SACM1L: variants seen among roughly 807,000 people sequenced by gnomAD.
The protein encoded by SACM1L is SAC1 like phosphatidylinositide phosphatase.
In SACM1L, 32 loss-of-function variants were observed where a neutral mutation model predicts 89.5. The ratio of observed to expected loss-of-function variants is 0.36; its 90% CI spans 0.27 to 0.48. The LOEUF (loss-of-function observed/expected upper bound fraction) is 0.48, where lower values mean the gene tolerates loss of function less well. Among genes scored for constraint, SACM1L ranks in the 20% least tolerant of loss-of-function variants. The probability of loss-of-function intolerance (pLI) is 0.99; values close to 1 mark genes in which losing one functional copy is unlikely to be tolerated. For missense variants in SACM1L, 543 were observed against 708.5 expected (o/e 0.77, Z 2.65); for synonymous variants, 213 against 232.8 (o/e 0.92, Z 0.77).
chr3:45,705,077 C>T (rs1243459928), intron 2 of SACM1L, 58 bp from the exon 3 acceptor site: 7 of 1,105,474 alleles, frequency 6.3e-6, no homozygotes, highest in Non-Finnish European at 8.1e-6. Context: ...AACTAAATTT[C>T]TGTTTCTGTT....
Position 45,735,277 on chromosome 3 carries a change from G to A in SACM1L, c.1143G>A (p.Gln381=). ...VDSAGQVVAN[Q]EGVFRSNCMD... ...CTGCTGGCCAGGTGGTGGCAAACCA[G>A]GAAGGCGTGTTCCGAAGCAATTGCA... The change falls in exon 14 of 20, where the codon CAG becomes CAA. Residue 381 remains glutamine, a synonymous_variant. Transcript: ENST00000389061. 1 of 1,613,152 alleles carries A rather than the reference G, an allele frequency of 6.2e-7. No individual in the cohort carries two copies. The highest frequency in any genetic ancestry group is 1.1e-5 in the South Asian group (1 of 90,860).
intron 15 of SACM1L, 28 bp from the exon 16 acceptor site, chr3:45,737,744 T>C: frequency 6.2e-7 from 1 of 1,601,378 alleles, no homozygotes; most frequent in Non-Finnish European, 8.5e-7. Flanking sequence ...TCTTAATAAT[T>C]ATCAGCTGTT....
rs1234059322 is a variant in SACM1L, at chr3:45,689,728, C to A, written c.32+231C>A. 2.8e-5 allele frequency: 17 copies of A among 607,986 alleles called. No homozygotes were observed. In the East Asian group the frequency reaches 4.5e-4, roughly 16 times the overall value. The allele number at this position is 607,986 out of a possible 1,614,324, so 37.7% of individuals were successfully genotyped here. ...CCACCGTGCTCGGCCCCAGCGCCCA[C>A]GGCTGAAGAGAGAAGCTGCCGACTG... is the stretch of plus-strand genomic sequence containing the variant. On this transcript the variant is annotated intron_variant, in intron 1 of 19. Coordinates refer to ENST00000389061, the MANE Select transcript of SACM1L (RefSeq NM_014016.5).
At chr3:45,740,181 A>C (rs540355525) in intron 19 of SACM1L, among the ~76,000 whole-genome samples, 1 of 152,204 alleles carries the variant, frequency 6.6e-6, no homozygotes, top group African/African-American at 2.4e-5. Flanking sequence ...GGAACAGTCA[A>C]TTATGCATTC....
chr3:45,698,437 A>T (rs191087009), intron 1 of SACM1L, among the ~76,000 whole-genome samples: 147 of 152,362 alleles, frequency 9.6e-4, no homozygotes, highest in African/African-American at 3.5e-3. Flanking sequence ...CAGCATCAGC[A>T]ATTTAGATTC....
At chr3:45,691,835 C>A (rs1378543815) in intron 1 of SACM1L, among the ~76,000 whole-genome samples, 1 of 152,130 alleles carries the variant, frequency 6.6e-6, no homozygotes, top group Non-Finnish European at 1.5e-5. Flanking sequence ...TTTTCTCCAG[C>A]CCATCTCTGC....
At chr3:45,696,839 A>G (rs1303459425) in intron 1 of SACM1L, among the ~76,000 whole-genome samples, 7 of 152,234 alleles carry the variant, frequency 4.6e-5, no homozygotes, top group Non-Finnish European at 1.5e-5. Context: ...CAATGCCAAC[A>G]CTGAAAGAAA....
intron 3 of SACM1L, 36 bp from the exon 4 acceptor site, chr3:45,706,744 T>A: frequency 5.8e-6 from 9 of 1,539,314 alleles, no homozygotes; most frequent in Non-Finnish European, 8.0e-6. Flanking sequence ...GAGTTACTAT[T>A]TTTATAATTA....
In SACM1L at chr3:45,689,701, C is replaced by T. The variant is rs374701481; in HGVS notation, c.32+204C>T. On this transcript the variant is annotated intron_variant, in intron 1 of 19. Transcript: ENST00000389061. ...GGGAACCAGCGGCTCGCCGGCCTTTCTCCACCGTGCTCGGCCCCAGCGCCC... is the reference window on the plus strand; with the variant it reads ...GGGAACCAGCGGCTCGCCGGCCTTTTTCCACCGTGCTCGGCCCCAGCGCCC... 19 of 639,952 alleles carry T rather than the reference C, an allele frequency of 3.0e-5. No individual in the cohort carries two copies. In the African/African-American group the frequency reaches 3.3e-4, roughly 11 times the overall value. 39.6% of individuals were successfully genotyped at this position (639,952 alleles called of 1,614,324 possible).
intron 11 of SACM1L, among the ~76,000 whole-genome samples, chr3:45,724,298 G>GGTGTGT (rs61075879): frequency 0.3 from 41,660 of 139,544 alleles, 6,856 homozygotes; most frequent in East Asian, 0.63. Context: ...GTTGTTTTCT[G>GGTGTGT]GTGTGTGTGT....
At chr3:45,697,123 A>C (rs772066092) in intron 1 of SACM1L, among the ~76,000 whole-genome samples, 2 of 152,042 alleles carry the variant, frequency 1.3e-5, no homozygotes, top group Non-Finnish European at 2.9e-5. Flanking sequence ...CACAACAGTC[A>C]AAAAGGAGGA....
intron 1 of SACM1L, chr3:45,689,972 G>GC (rs140882571): frequency 0.012 from 1,975 of 165,542 alleles, 43 homozygotes; most frequent in African/African-American, 0.043. Flanking sequence ...AAGCCTGCCT[G>GC]CCCCCTCTTC....
At chr3:45,714,626 AGAG>A (rs1308629108) in intron 7 of SACM1L, among the ~76,000 whole-genome samples, 1 of 152,176 alleles carries the variant, frequency 6.6e-6, no homozygotes, top group East Asian at 1.9e-4. Context: ...AACAAGTTGG[AGAG>A]GAGAATTACC....
rs538385157 is a variant in SACM1L, at chr3:45,741,624, C to T, written c.1628-1909C>T. Reference sequence around the variant, plus strand: ...CAGTTACCTGTTCATCTCTGTATTCCCCTCAGTGCTCAGCCCTGTAGACAG... The same window carrying T: ...CAGTTACCTGTTCATCTCTGTATTCTCCTCAGTGCTCAGCCCTGTAGACAG... On this transcript the variant is annotated intron_variant, in intron 19 of 19. Transcript: ENST00000389061. 2.6e-5 allele frequency among the ~76,000 whole-genome samples: 4 copies of T among 152,198 alleles called. No individual in the cohort carries two copies. The South Asian group carries it at 8.3e-4, about 32-fold the overall frequency.
chr3:45,725,155 T>C (rs1382306875), intron 11 of SACM1L, among the ~76,000 whole-genome samples: 1 of 152,198 alleles, frequency 6.6e-6, no homozygotes, highest in Non-Finnish European at 1.5e-5. Flanking sequence ...TGCAAGATTA[T>C]TTTGGCTACT....
intron 1 of SACM1L, among the ~76,000 whole-genome samples, chr3:45,694,378 C>A (rs1055190085): frequency 7.2e-5 from 11 of 152,098 alleles, no homozygotes; most frequent in African/African-American, 2.7e-4. Flanking sequence ...ACCTAAGCTA[C>A]CTTGTGATAC....
chr3:45,707,178 C>T (rs956370902), intron 4 of SACM1L: 2 of 273,060 alleles, frequency 7.3e-6, no homozygotes, highest in East Asian at 8.5e-5. Flanking sequence ...GGGTACTCAA[C>T]ACCAGATTTA....
At chr3:45,732,010 G>A in intron 12 of SACM1L, 43 bp from the exon 13 acceptor site, 1 of 1,162,206 alleles carries the variant, frequency 8.6e-7, no homozygotes, top group Non-Finnish European at 1.2e-6. Context: ...GAAGGAAAAT[G>A]AATGATCTCT....
At chr3:45,706,166 A>G (rs1366592624) in intron 3 of SACM1L, among the ~76,000 whole-genome samples, 1 of 152,184 alleles carries the variant, frequency 6.6e-6, no homozygotes, top group African/African-American at 2.4e-5. Flanking sequence ...CTGAAGAATT[A>G]ATTGAGTAGG....
Sources: gnomAD v4.1 joint callset for allele counts (sites outside exome capture counted in the v4.1 genomes callset) on GRCh38, gnomAD v4.1.1 for gene constraint, MANE v1.5 for transcripts, NCBI Gene and HGNC (gene_info 2026-07-23, HGNC 2026-07-21) for gene names.